Variants in FAM170A observed in about 807,000 individuals in gnomAD.
FAM170A encodes protein FAM170A.
A neutral mutation model predicts 36.6 loss-of-function variants in FAM170A; 28 were observed. That is an observed-to-expected ratio of 0.76 (90% CI 0.57 to 1.05). The LOEUF is 1.05. Ranked by LOEUF, FAM170A falls within the 50% of genes least tolerant of loss-of-function variation. FAM170A has a pLI of 0.00. For synonymous variants in FAM170A, 156 were observed against 143.9 expected, an observed-to-expected ratio of 1.08 and a Z score of -0.60; for missense variants, 434 against 396.5, an observed-to-expected ratio of 1.09 and a Z score of -0.80.
intron 2 of FAM170A, among the ~76,000 whole-genome samples, chr5:119,633,450 C>T (rs186536311): frequency 3.3e-4 from 50 of 152,142 alleles, no homozygotes; most frequent in East Asian, 1.2e-3. Context: ...GCACTTTCAT[C>T]GGAACTATTT....
chr5:119,633,182 CATGGG>C (rs1399003115), intron 2 of FAM170A, among the ~76,000 whole-genome samples: 1 of 152,064 alleles, frequency 6.6e-6, no homozygotes. Flanking sequence ...ACTCCTTAGG[CATGGG>C]ATTGGGTGCA....
In FAM170A at chr5:119,634,978, A is replaced by C. The variant is rs530200495; in HGVS notation, c.987-53A>C. On this transcript the variant is annotated intron_variant, in intron 3 of 4. Coordinates refer to ENST00000613773, the Ensembl canonical transcript of FAM170A. ...CCTGCAGGAAATTCTGAGAATTTCA[A>C]AAGTCGCATTAACTAAGAAGTGTCT... is the stretch of plus-strand genomic sequence containing the variant. The C allele has an allele frequency of 3.4e-4, 543 of 1,611,390 alleles. 7 individuals carry two copies. In the South Asian group the frequency reaches 5.7e-3, roughly 17 times the overall value.
At position 119,632,730 on chromosome 5, in the gene FAM170A, C is replaced by T. The variant is rs1233684992; in HGVS notation, c.71-18C>T. ...TTACCCATCCATCATATCTCTGTTC[C>T]CTTCATACCTTTCTCAGGAATGTCA... On this transcript the variant is annotated intron_variant, in intron 1 of 4. Transcript: ENST00000613773. The T allele has an allele frequency of 6.4e-7, 1 of 1,553,062 alleles. No homozygotes were observed. Among genetic ancestry groups the T allele is most frequent in the Admixed American group, 1.9e-5 (1 of 52,782 alleles).
At chr5:119,634,360 A>G (rs752298171) in exon 3 of FAM170A, 2 of 1,614,196 alleles carry the variant, frequency 1.2e-6, no homozygotes, top group African/African-American at 1.3e-5. Flanking sequence ...ACAGCCTGCC[A>G]GGCTCACCCA....
chr5:119,631,244 T>C (rs899712783), intron 1 of FAM170A, among the ~76,000 whole-genome samples: 1 of 152,160 alleles, frequency 6.6e-6, no homozygotes, highest in South Asian at 2.1e-4. Flanking sequence ...CAGCAGCGCC[T>C]ATGAGGCATA....
Position 119,632,446 on chromosome 5 carries a change from CAT to C in FAM170A, c.71-301_71-300del, listed in dbSNP as rs1756273443. On this transcript the variant is annotated intron_variant, in intron 1 of 4. Coordinates refer to ENST00000613773, the Ensembl canonical transcript of FAM170A. ...CACACAAACTCCACAGACACAGACACATGTTTCTACAATATACCCACACAAAT... is the reference window on the plus strand; with the variant it reads ...CACACAAACTCCACAGACACAGACACGTTTCTACAATATACCCACACAAAT... 1.3e-5 allele frequency among the ~76,000 whole-genome samples: 2 copies of C among 150,378 alleles called. 1 individual carries two copies. The highest frequency in any genetic ancestry group is 4.2e-4 in the South Asian group (2 of 4,720).
chr5:119,629,956 A>T, intron 1 of FAM170A, 118 bp downstream of exon 1: 2 of 685,368 alleles, frequency 2.9e-6, no homozygotes, highest in Admixed American at 4.7e-5. Flanking sequence ...CAGTGGCGCG[A>T]TCTTGGCTCA....
intron 1 of FAM170A, among the ~76,000 whole-genome samples, chr5:119,630,347 A>G (rs1186228369): frequency 5.6e-5 from 5 of 89,986 alleles, no homozygotes; most frequent in Non-Finnish European, 1.1e-4. Flanking sequence ...TTTTTTTTGT[A>G]TTTGTAGTAG....
chr5:119,631,899 C>T (rs559727282), intron 1 of FAM170A, among the ~76,000 whole-genome samples: 1 of 152,286 alleles, frequency 6.6e-6, no homozygotes, highest in South Asian at 2.1e-4. Context: ...AGATTCACCA[C>T]CATCCCCTTA....
chr5:119,633,022 G>C, intron 2 of FAM170A, 134 bp downstream of exon 2: 1 of 1,007,500 alleles, frequency 9.9e-7, no homozygotes, highest in Non-Finnish European at 1.4e-6. Flanking sequence ...AGACTCTTTG[G>C]GAGTGGGGCT....
intron 2 of FAM170A, 47 bp from the exon 3 acceptor site, chr5:119,633,913 C>T (rs1304088317): frequency 1.3e-6 from 2 of 1,568,914 alleles, no homozygotes; most frequent in Admixed American, 3.6e-5. Flanking sequence ...CCCTCAGCTC[C>T]TAGCATGGCC....
intron 3 of FAM170A, 144 bp from the exon 4 acceptor site, chr5:119,634,884 C>T (rs1756346217): frequency 4.0e-6 from 5 of 1,260,982 alleles, no homozygotes; most frequent in East Asian, 4.8e-5. Context: ...AACTGGGATC[C>T]CTGCTTCTTG....
At chr5:119,635,283 C>G (rs1228565310) in intron 4 of FAM170A, among the ~76,000 whole-genome samples, 197 bp downstream of exon 4, 2 of 152,206 alleles carry the variant, frequency 1.3e-5, no homozygotes, top group Non-Finnish European at 2.9e-5. Flanking sequence ...TGGGAACTTT[C>G]TCAATGTCTG....
intron 1 of FAM170A, among the ~76,000 whole-genome samples, chr5:119,632,062 C>A (rs575153286): frequency 2.0e-5 from 3 of 152,132 alleles, no homozygotes; most frequent in Non-Finnish European, 2.9e-5. Context: ...GACATACTTA[C>A]GCTAAAAAAA....
At chr5:119,629,737 A>G in exon 1 of FAM170A, 2 of 1,574,506 alleles carry the variant, frequency 1.3e-6, no homozygotes, top group Non-Finnish European at 1.7e-6. Context: ...GTGGACATTA[A>G]GCATCTTCTA....
At chr5:119,629,947 A>C (rs1756205961) in intron 1 of FAM170A, 109 bp downstream of exon 1, 1 of 778,678 alleles carries the variant, frequency 1.3e-6, no homozygotes, top group South Asian at 1.5e-5. Context: ...GCTGGAGTGC[A>C]GTGGCGCGAT....
chr5:119,631,279 A>G (rs2126971500), intron 1 of FAM170A, among the ~76,000 whole-genome samples: 1 of 152,250 alleles, frequency 6.6e-6, no homozygotes, highest in Admixed American at 6.5e-5. Context: ...GAGCCCTGGG[A>G]ATGGAGGCGT....
exon 2 of FAM170A, chr5:119,632,859 TTTC>T (rs1448350522): frequency 2.5e-6 from 4 of 1,611,146 alleles, no homozygotes; most frequent in Non-Finnish European, 2.5e-6. Flanking sequence ...TGCTCCTGCG[TTTC>T]TTCTTCACGC....
chr5:119,634,574 A>C (rs756188742), exon 3 of FAM170A: 3 of 1,613,536 alleles, frequency 1.9e-6, no homozygotes, highest in Non-Finnish European at 2.5e-6. Flanking sequence ...ATCAGAGAGC[A>C]CCCAAGATGA....
Sources: gnomAD v4.1 joint callset for allele counts (sites outside exome capture counted in the v4.1 genomes callset) on GRCh38, gnomAD v4.1.1 for gene constraint, MANE v1.5 for transcripts, NCBI Gene and HGNC (gene_info 2026-07-23, HGNC 2026-07-21) for gene names.